Variants in NIM1K observed in about 807,000 individuals in gnomAD.
The protein encoded by NIM1K is NIM1 serine/threonine protein kinase.
In NIM1K, 35 loss-of-function variants were observed where a neutral mutation model predicts 37.1. The observed-to-expected ratio is 0.94, with a 90% CI of 0.72 to 1.25. NIM1K has a LOEUF of 1.25. Among genes scored for constraint, NIM1K ranks in the 50% most tolerant of loss-of-function variants. The probability of loss-of-function intolerance (pLI) is 0.00; values close to 1 mark genes in which losing one functional copy is unlikely to be tolerated. For synonymous variants in NIM1K, 234 were observed against 206.6 expected, an observed-to-expected ratio of 1.13 and a Z score of -1.14; for missense variants, 564 against 548.0, an observed-to-expected ratio of 1.03 and a Z score of -0.29.
intron 1 of NIM1K, among the ~76,000 whole-genome samples, chr5:43,214,402 TC>T (rs1447362884): frequency 1.3e-5 from 2 of 152,188 alleles, no homozygotes; most frequent in African/African-American, 4.8e-5. Flanking sequence ...TTTCCCTCCT[TC>T]CTGGCAACAA....
intron 2 of NIM1K, among the ~76,000 whole-genome samples, chr5:43,255,629 G>T (rs1752931709): frequency 6.6e-6 from 1 of 151,700 alleles, no homozygotes; most frequent in African/African-American, 2.4e-5. Context: ...TGCACCTTTA[G>T]TCTCAGCTAC....
intron 2 of NIM1K, among the ~76,000 whole-genome samples, chr5:43,262,903 T>C (rs1753056044): frequency 6.6e-6 from 1 of 152,190 alleles, no homozygotes; most frequent in Non-Finnish European, 1.5e-5. Flanking sequence ...TGTATAATGA[T>C]GGATTACGTT....
intron 2 of NIM1K, among the ~76,000 whole-genome samples, chr5:43,266,900 A>G (rs992866039): frequency 6.6e-6 from 1 of 152,078 alleles, no homozygotes; most frequent in Non-Finnish European, 1.5e-5. Flanking sequence ...AGGAATATTG[A>G]TCTGTAGTTT....
chr5:43,265,920 G>C (rs1753147199), intron 2 of NIM1K, among the ~76,000 whole-genome samples: 1 of 152,222 alleles, frequency 6.6e-6, no homozygotes, highest in Non-Finnish European at 1.5e-5. Context: ...GGTATCACCA[G>C]CAGAGGCTGC....
intron 1 of NIM1K, chr5:43,193,103 T>A (rs1019289367): frequency 6.6e-6 from 1 of 152,100 alleles, no homozygotes; most frequent in African/African-American, 2.4e-5. Context: ...TCCAGGAATA[T>A]TAGAAGCTCC....
chr5:43,259,002 A>G (rs757472844), intron 2 of NIM1K, among the ~76,000 whole-genome samples: 40 of 151,754 alleles, frequency 2.6e-4, no homozygotes, highest in Non-Finnish European at 2.6e-4. Flanking sequence ...AAGTAAGAAC[A>G]TACAGTATTT....
intron 2 of NIM1K, among the ~76,000 whole-genome samples, chr5:43,270,043 C>G (rs181310419): frequency 2.6e-5 from 4 of 152,276 alleles, no homozygotes; most frequent in Admixed American, 6.5e-5. Context: ...TATGGCTGGT[C>G]TGGTAGTTAC....
intron 1 of NIM1K, among the ~76,000 whole-genome samples, chr5:43,213,384 C>T (rs1752249112): frequency 6.7e-6 from 1 of 149,864 alleles, no homozygotes; most frequent in South Asian, 2.1e-4. Context: ...GGCTGGAGCG[C>T]AGCGGCACGA....
chr5:43,199,686 C>A (rs1751989459), intron 1 of NIM1K, among the ~76,000 whole-genome samples: 2 of 152,256 alleles, frequency 1.3e-5, no homozygotes, highest in South Asian at 4.1e-4. Flanking sequence ...CTATCCCTAT[C>A]TTTGAGGGAG....
Position 43,280,421 on chromosome 5 carries a change from G to C in NIM1K, c.1003G>C (p.Glu335Gln), listed in dbSNP as rs1406900182. 1 of 1,614,050 alleles carries C rather than the reference G, an allele frequency of 6.2e-7. No individual in the cohort carries two copies. The highest frequency in any genetic ancestry group is 1.3e-5 in the African/African-American group (1 of 74,906). The change falls in exon 4 of 4, where the codon GAA (glutamate) becomes CAA (glutamine). Residue 335 changes from glutamate (E) to glutamine (Q), a missense_variant. Physicochemically the swap from Glu to Gln is conservative, Grantham distance 29. Coordinates refer to ENST00000326035, the MANE Select transcript of NIM1K (RefSeq NM_153361.4). ...AGGGGTGCCATACCCTACACCTTTG[G>C]AACCTTTCCAACTGGATCCCAAACA... The part of the protein sequence containing the change: ...MQGVPYPTPL[E>Q]PFQLDPKHLS...
In NIM1K at chr5:43,277,978, ACCCT is replaced by A. The variant is rs767450159; in HGVS notation, c.561+654_561+657del. On this transcript the variant is annotated intron_variant, in intron 3 of 3. Transcript: ENST00000326035. The stretch of plus-strand genomic sequence containing the variant: ...TTCCCTTCCTTCCTGCCTGCCTTCC[ACCCT>A]TCCTTCCTTCCTTTTCTTCCTCCCT... 1.1e-4 allele frequency among the ~76,000 whole-genome samples: 16 copies of A among 147,198 alleles called. No homozygotes were observed. The East Asian group carries it at 1.6e-3, about 15-fold the overall frequency.
At chr5:43,231,176 G>A (rs1752532959) in intron 1 of NIM1K, among the ~76,000 whole-genome samples, 1 of 152,130 alleles carries the variant, frequency 6.6e-6, no homozygotes, top group Non-Finnish European at 1.5e-5. Context: ...AATTAGCTGG[G>A]CATGTTGGCA....
At chr5:43,198,201 T>TTCTCTC (rs1223745294) in intron 1 of NIM1K, among the ~76,000 whole-genome samples, 4 of 54,814 alleles carry the variant, frequency 7.3e-5, no homozygotes, top group East Asian at 1.2e-3. Context: ...CTTTCTTTCT[T>TTCTCTC]TCTTTCTCTT....
intron 2 of NIM1K, among the ~76,000 whole-genome samples, chr5:43,263,586 TA>T (rs1366575782): frequency 1.1e-4 from 17 of 151,134 alleles, no homozygotes; most frequent in African/African-American, 4.1e-4. Flanking sequence ...TTGATTTTTT[TA>T]TTTTTTTAAG....
intron 1 of NIM1K, among the ~76,000 whole-genome samples, chr5:43,231,058 C>G (rs1419534682): frequency 6.6e-6 from 1 of 152,296 alleles, no homozygotes; most frequent in Admixed American, 6.5e-5. Flanking sequence ...TGGCTCACAC[C>G]TATAATCCCA....
Position 43,264,026 on chromosome 5 carries a change from G to A in NIM1K, c.293-13031G>A, listed in dbSNP as rs866794294. On this transcript the variant is annotated intron_variant, in intron 2 of 3. Transcript: ENST00000326035. ...TCTGTTCTTTTACATTTGCTGAGGA[G>A]TGCTTTACTTCCAACTATGTAGTCA... Among the ~76,000 whole-genome samples the A allele has an allele frequency of 5.1e-4, 77 of 152,326 alleles. 1 individual carries two copies. The highest frequency in any genetic ancestry group is 1.7e-3 in the African/African-American group (72 of 41,572).
Position 43,280,126 on chromosome 5 carries a change from C to T in NIM1K, c.708C>T (p.Tyr236=), listed in dbSNP as rs2290994. 7,803 of 1,614,156 alleles carry T rather than the reference C, an allele frequency of 4.8e-3. 203 individuals are homozygous for T. In the East Asian group the frequency reaches 0.083, roughly 17 times the overall value. ...ACACTTTCTGTGGGTCTCCTCCCTA[C>T]GCTGCGCCTGAACTCTTCCGGGACG... ...MLNTFCGSPP[Y]AAPELFRDEH... is the part of the protein sequence containing the mutation. Residue 236 remains tyrosine, a synonymous_variant, in exon 4 of 4, where the codon TAC becomes TAT. Coordinates refer to ENST00000326035, the MANE Select transcript of NIM1K (RefSeq NM_153361.4).
intron 2 of NIM1K, among the ~76,000 whole-genome samples, chr5:43,276,628 A>T (rs896851825): frequency 1.3e-5 from 2 of 152,248 alleles, no homozygotes; most frequent in Non-Finnish European, 2.9e-5. Flanking sequence ...AGGTAGAGAA[A>T]ATCTTCTAGG....
intron 1 of NIM1K, among the ~76,000 whole-genome samples, chr5:43,212,236 A>G (rs1313817977): frequency 1.3e-5 from 2 of 151,946 alleles, no homozygotes; most frequent in Non-Finnish European, 2.9e-5. Context: ...GAGGACAGGA[A>G]TGGCACCTAG....
Sources: gnomAD v4.1 joint callset for allele counts (sites outside exome capture counted in the v4.1 genomes callset) on GRCh38, gnomAD v4.1.1 for gene constraint, MANE v1.5 for transcripts, NCBI Gene and HGNC (gene_info 2026-07-23, HGNC 2026-07-21) for gene names.